Variants in KDM6A observed in about 807,000 individuals in gnomAD.
KDM6A encodes lysine-specific demethylase 6A.
KDM6A carries 11 observed loss-of-function variants against 117.6 expected under a neutral mutation model. That is an observed-to-expected ratio of 0.09 (90% CI 0.06 to 0.15). The LOEUF is 0.15. KDM6A is among the 10% of genes least tolerant of loss of function. The probability of loss-of-function intolerance (pLI) is 1.00; values close to 1 mark genes in which losing one functional copy is unlikely to be tolerated. For missense variants in KDM6A, 799 were observed against 1,077.3 expected (o/e 0.74, Z 3.62); for synonymous variants, 384 against 396.1 (o/e 0.97, Z 0.36).
intron 8 of KDM6A, among the ~76,000 whole-genome samples, chrX:45,042,510 AAGTT>A (rs912828028): frequency 3.6e-5 from 4 of 111,356 alleles, no homozygotes; most frequent in Non-Finnish European, 5.7e-5. Context: ...TACCTATTAA[AAGTT>A]AGTTTTTATA....
At chrX:44,980,584 G>C (rs113258420) in intron 4 of KDM6A, among the ~76,000 whole-genome samples, 75 of 104,055 alleles carry the variant, frequency 7.2e-4, no homozygotes, top group East Asian at 1.2e-3. Flanking sequence ...ATTGTGATTG[G>C]AGTGGTTGTA....
In KDM6A at chrX:44,873,429, C is replaced by G. The variant is rs2031034845; in HGVS notation, c.-123C>G. 1 of 1,016,069 alleles carries G rather than the reference C, an allele frequency of 9.8e-7. No individual in the cohort carries two copies. The highest frequency in any genetic ancestry group is 1.3e-6 in the Non-Finnish European group (1 of 745,866). The allele number at this position is 1,016,069 out of a possible 1,213,427, so 83.7% of individuals were successfully genotyped here. On this transcript the variant is annotated 5_prime_UTR_variant, in exon 1 of 30. Transcript: ENST00000611820. Reference sequence around the variant, plus strand: ...TGGGATTTTTCGTCGCCGCCGCCCGCGGCGGAGGAGGAGGCGGCGATAAAG... The same window carrying G: ...TGGGATTTTTCGTCGCCGCCGCCCGGGGCGGAGGAGGAGGCGGCGATAAAG...
intron 4 of KDM6A, among the ~76,000 whole-genome samples, chrX:44,992,370 A>G (rs2040655687): frequency 9.4e-6 from 1 of 105,992 alleles, no homozygotes; most frequent in African/African-American, 3.4e-5. Flanking sequence ...GATTACAGGC[A>G]TGCGCCACCA....
chrX:45,085,365 C>T (rs751522554), intron 24 of KDM6A, among the ~76,000 whole-genome samples: 2 of 111,671 alleles, frequency 1.8e-5, no homozygotes, highest in South Asian at 7.6e-4. Flanking sequence ...AATGCATTTT[C>T]AACTTAAGGT....
In KDM6A at chrX:44,874,886, T is replaced by C. The variant is rs185216342; in HGVS notation, c.225+899T>C. Among the ~76,000 whole-genome samples, 224 of 111,557 alleles carry C rather than the reference T, an allele frequency of 2.0e-3. 1 individual carries two copies. The highest frequency in any genetic ancestry group is 7.2e-3 in the African/African-American group (222 of 30,622). ...TAGCTCAGTGGTGTTTAAAAAAAAT[T>C]ACCCAAGATTATTTGCATATAGAAT... is the stretch of plus-strand genomic sequence containing the variant. On this transcript the variant is annotated intron_variant, in intron 2 of 29. Transcript: ENST00000611820.
chrX:44,932,724 C>T (rs1264623379), intron 2 of KDM6A, among the ~76,000 whole-genome samples: 1 of 110,196 alleles, frequency 9.1e-6, no homozygotes, highest in African/African-American at 3.3e-5. Flanking sequence ...ATTGTTTTTC[C>T]TAATTTTTTT....
At chrX:45,066,300 G>C (rs2044529875) in intron 17 of KDM6A, among the ~76,000 whole-genome samples, 1 of 111,952 alleles carries the variant, frequency 8.9e-6, no homozygotes, top group Non-Finnish European at 1.9e-5. Context: ...ACAGTTGTTT[G>C]GGCTACACAC....
At chrX:45,088,641 G>A (rs2045756020) in intron 25 of KDM6A, among the ~76,000 whole-genome samples, 1 of 113,525 alleles carries the variant, frequency 8.8e-6, no homozygotes, top group Non-Finnish European at 1.9e-5. Context: ...AATAAAGTAA[G>A]ATTATTTCTT....
chrX:45,014,814 A>G (rs1182317360), intron 5 of KDM6A, among the ~76,000 whole-genome samples: 1 of 112,267 alleles, frequency 8.9e-6, no homozygotes, highest in Non-Finnish European at 1.9e-5. Context: ...AATCCTTATT[A>G]ACTATCTCTG....
Position 45,076,838 on chromosome X carries a change from T to C in KDM6A, c.2988+12T>C, listed in dbSNP as rs763952682. 1 of 1,191,118 alleles carries C rather than the reference T, an allele frequency of 8.4e-7. No individual in the cohort carries two copies. The highest frequency in any genetic ancestry group is 1.8e-5 in the South Asian group (1 of 56,310). The stretch of plus-strand genomic sequence containing the variant: ...CACCTAGTATTTACGTGAGTCTGAA[T>C]TGACTGACTAGAAATAAAACAGTGT... On this transcript the variant is annotated intron_variant, in intron 19 of 29. Transcript: ENST00000611820.
intron 2 of KDM6A, among the ~76,000 whole-genome samples, chrX:44,911,559 A>C (rs1393911968): frequency 9.1e-6 from 1 of 109,729 alleles, no homozygotes; most frequent in Non-Finnish European, 1.9e-5. Context: ...AGCCGGGCAG[A>C]GGGGCTCTTC....
chrX:45,058,597 G>A (rs2044176847), intron 10 of KDM6A, among the ~76,000 whole-genome samples: 1 of 110,399 alleles, frequency 9.1e-6, no homozygotes, highest in Non-Finnish European at 1.9e-5. Context: ...TCTTACCAAC[G>A]TATATAGTGT....
intron 27 of KDM6A, among the ~76,000 whole-genome samples, chrX:45,092,362 A>G (rs2045925582): frequency 8.9e-6 from 1 of 111,763 alleles, no homozygotes; most frequent in South Asian, 3.7e-4. Context: ...AAGGTCACTT[A>G]ATCAGCTCCT....
At chrX:45,111,308 C>T (rs2046759720) in intron 29 of KDM6A, 74 bp from the exon 30 acceptor site, 2 of 852,491 alleles carry the variant, frequency 2.3e-6, no homozygotes, top group Non-Finnish European at 3.5e-6. Flanking sequence ...ACTTCACAAG[C>T]AGACTATATG....
intron 24 of KDM6A, among the ~76,000 whole-genome samples, chrX:45,085,384 A>G (rs1170340700): frequency 8.9e-6 from 1 of 111,940 alleles, no homozygotes; most frequent in Admixed American, 9.5e-5. Flanking sequence ...GTATTTTTCA[A>G]CTTACTATGG....
chrX:45,048,589 A>G (rs933848981), intron 8 of KDM6A, among the ~76,000 whole-genome samples: 2 of 110,242 alleles, frequency 1.8e-5, no homozygotes, highest in African/African-American at 6.6e-5. Flanking sequence ...AAGCTGTCCT[A>G]TGATTCTTCA....
chrX:45,004,769 G>A (rs1345048473), intron 4 of KDM6A, among the ~76,000 whole-genome samples: 1 of 111,224 alleles, frequency 9.0e-6, no homozygotes, highest in African/African-American at 3.3e-5. Context: ...GGGAATTTCT[G>A]GTCCGCGGTA....
chrX:44,873,586 C>G lies in KDM6A; in HGVS notation c.35C>G (p.Ala12Gly). 2.5e-6 allele frequency: 3 copies of G among 1,207,024 alleles called. No homozygotes were observed. Among genetic ancestry groups the G allele is most frequent in the Non-Finnish European group, 3.4e-6 (3 of 893,780 alleles). ...TGCGGAGTGTCGCTCGCTACCGCCG[C>G]CGCTGCCGCCGCCGCTTTCGGTGAT... ...KSCGVSLATA[A>G]AAAAAFGDEE... is the part of the protein sequence containing the mutation. The change falls in exon 1 of 30, where the codon GCC (alanine) becomes GGC (glycine). Residue 12 changes from alanine (A) to glycine (G), a missense_variant. Transcript: ENST00000611820.
intron 2 of KDM6A, among the ~76,000 whole-genome samples, chrX:44,959,950 A>AAT (rs2038575526): frequency 9.0e-6 from 1 of 111,669 alleles, no homozygotes; most frequent in South Asian, 3.7e-4. Flanking sequence ...CTTTAAGGAT[A>AAT]ATAGACTCAG....
Sources: gnomAD v4.1 joint callset for allele counts (sites outside exome capture counted in the v4.1 genomes callset) on GRCh38, gnomAD v4.1.1 for gene constraint, MANE v1.5 for transcripts, NCBI Gene and HGNC (gene_info 2026-07-23, HGNC 2026-07-21) for gene names.